GRID1: variants seen among roughly 807,000 people sequenced by gnomAD.
GRID1 encodes the protein glutamate receptor ionotropic, delta-1.
GRID1 carries 28 observed loss-of-function variants against 98.0 expected under a neutral mutation model. That is an observed-to-expected ratio of 0.29 (90% confidence interval 0.21 to 0.39). The LOEUF (loss-of-function observed/expected upper bound fraction) is 0.39, where lower values mean the gene tolerates loss of function less well. GRID1 is among the 10% of genes least tolerant of loss of function. The pLI, the probability that GRID1 is intolerant of heterozygous loss-of-function variation, is 1.00. For missense variants in GRID1, 1,111 were observed against 1,340.5 expected, an observed-to-expected ratio of 0.83 and a Z score of 2.67; for synonymous variants, 553 against 538.5, an observed-to-expected ratio of 1.03 and a Z score of -0.37.
intron 12 of GRID1, among the ~76,000 whole-genome samples, chr10:85,670,535 C>T (rs967914418): frequency 6.6e-6 from 1 of 152,192 alleles, no homozygotes; most frequent in Non-Finnish European, 1.5e-5. Context: ...TAGACCCAAA[C>T]AAACATGAAG....
intron 5 of GRID1, among the ~76,000 whole-genome samples, chr10:85,871,356 C>A (rs901526194): frequency 1.3e-5 from 2 of 152,116 alleles, no homozygotes; most frequent in African/African-American, 4.8e-5. Flanking sequence ...GAATGTGTAT[C>A]ATTTTCATGC....
At chr10:85,625,845 C>T (rs1842905980) in intron 13 of GRID1, among the ~76,000 whole-genome samples, 1 of 152,226 alleles carries the variant, frequency 6.6e-6, no homozygotes, top group Admixed American at 6.5e-5. Flanking sequence ...CATGACTTCA[C>T]ACTGGCAGTA....
At chr10:86,351,103 A>G (rs1848455729) in intron 2 of GRID1, among the ~76,000 whole-genome samples, 1 of 152,242 alleles carries the variant, frequency 6.6e-6, no homozygotes, top group Admixed American at 6.5e-5. Context: ...TGCCAAGCTC[A>G]CTGCATTCCT....
intron 8 of GRID1, among the ~76,000 whole-genome samples, chr10:85,820,243 C>A (rs1842757623): frequency 6.6e-6 from 1 of 151,672 alleles, no homozygotes; most frequent in Non-Finnish European, 1.5e-5. Context: ...AAATACTCTT[C>A]AAAATTGACA....
intron 6 of GRID1, among the ~76,000 whole-genome samples, chr10:85,862,645 G>A (rs1023232021): frequency 6.6e-6 from 1 of 152,176 alleles, no homozygotes; most frequent in Non-Finnish European, 1.5e-5. Flanking sequence ...TGCAGCTCTT[G>A]AGAGACCCAG....
intron 12 of GRID1, among the ~76,000 whole-genome samples, chr10:85,661,259 T>C (rs1840962478): frequency 6.6e-6 from 1 of 152,088 alleles, no homozygotes; most frequent in African/African-American, 2.4e-5. Flanking sequence ...ATTCTCTGCT[T>C]AGCCCTGTAA....
intron 2 of GRID1, among the ~76,000 whole-genome samples, chr10:86,211,247 A>G (rs977944029): frequency 6.6e-6 from 1 of 152,196 alleles, no homozygotes; most frequent in African/African-American, 2.4e-5. Context: ...CTAGAGGATA[A>G]CAGCTTTTGT....
chr10:86,268,947 G>A (rs1012915248), intron 2 of GRID1, among the ~76,000 whole-genome samples: 6 of 151,860 alleles, frequency 4.0e-5, no homozygotes, highest in East Asian at 1.9e-4. Flanking sequence ...CTGAGATCAC[G>A]CCACTGCACT....
At chr10:86,091,775 T>C (rs1206657550) in intron 4 of GRID1, among the ~76,000 whole-genome samples, 1 of 152,094 alleles carries the variant, frequency 6.6e-6, no homozygotes, top group Non-Finnish European at 1.5e-5. Flanking sequence ...CTGGTATCCA[T>C]AGCTGAGAAA....
chr10:86,244,328 G>C (rs941398518), intron 2 of GRID1, among the ~76,000 whole-genome samples: 3 of 152,214 alleles, frequency 2.0e-5, no homozygotes, highest in Non-Finnish European at 4.4e-5. Context: ...CCTGGACACA[G>C]ATTCAGCAGA....
intron 14 of GRID1, among the ~76,000 whole-genome samples, chr10:85,614,454 C>A (rs1259103644): frequency 1.3e-5 from 2 of 152,222 alleles, no homozygotes; most frequent in East Asian, 3.8e-4. Flanking sequence ...ATTTGCATGC[C>A]AGTCCTTTGA....
intron 3 of GRID1, among the ~76,000 whole-genome samples, chr10:86,178,538 G>T (rs1382579170): frequency 6.6e-6 from 1 of 152,122 alleles, no homozygotes; most frequent in Admixed American, 6.5e-5. Flanking sequence ...GCCCAGGAAG[G>T]GCCTCTGCCA....
At chr10:85,885,173 C>A (rs1010833267) in intron 5 of GRID1, among the ~76,000 whole-genome samples, 1 of 152,184 alleles carries the variant, frequency 6.6e-6, no homozygotes, top group Admixed American at 6.5e-5. Flanking sequence ...ACTTCACTTG[C>A]AAAGTGTTAA....
chr10:85,820,032 AGGCAGGCAGGCAGGC>A lies in GRID1; in HGVS notation c.1233+34449_1233+34463del, dbSNP rs1564600222. Among the ~76,000 whole-genome samples the A allele has an allele frequency of 3.6e-3, 325 of 91,306 alleles. 2 individuals are homozygous for A. Among genetic ancestry groups the A allele is most frequent in the East Asian group, 0.025 (57 of 2,284 alleles). The allele number at this position is 91,306 out of a possible 152,430, so 59.9% of individuals were successfully genotyped here. ...AAGGAAGGAAGGAAGGAAGGAAGGCAGGCAGGCAGGCAGGCAGGCAGGCAGGCAGGCAGGCAGGAA... is the reference window on the plus strand; with the variant it reads ...AAGGAAGGAAGGAAGGAAGGAAGGCAAGGCAGGCAGGCAGGCAGGCAGGAA... On this transcript the variant is annotated intron_variant, in intron 8 of 15. Transcript: ENST00000327946.
chr10:86,364,151 C>G, intron 1 of GRID1, 55 bp from the exon 2 acceptor site: 2 of 1,525,186 alleles, frequency 1.3e-6, no homozygotes, highest in Admixed American at 1.7e-5. Context: ...CTCCCCGCTT[C>G]CCTTGGCCCG....
intron 8 of GRID1, among the ~76,000 whole-genome samples, chr10:85,848,677 G>A (rs1025299258): frequency 3.3e-5 from 5 of 152,224 alleles, no homozygotes; most frequent in South Asian, 4.1e-4. Flanking sequence ...TGACTTTTAC[G>A]TTCTTCTTTT....
chr10:86,186,674 C>T (rs929514596), intron 3 of GRID1, among the ~76,000 whole-genome samples: 4 of 152,160 alleles, frequency 2.6e-5, no homozygotes, highest in Non-Finnish European at 4.4e-5. Flanking sequence ...AGAGGTGTTA[C>T]GAAAACTCCA....
Position 85,977,802 on chromosome 10 carries a change from C to A in GRID1, c.727-61563G>T, listed in dbSNP as rs920197540. Among the ~76,000 whole-genome samples the A allele has an allele frequency of 2.6e-5, 4 of 152,186 alleles. No homozygotes were observed. The East Asian group carries it at 7.7e-4, about 29-fold the overall frequency. On this transcript the variant is annotated intron_variant, in intron 4 of 15. Transcript: ENST00000327946. ...AGCCAGTTGAAGACCTCCCCGCCGA[C>A]CCAGTGAAAATGAAATCCTAAGCTG...
chr10:85,884,839 C>T (rs1413792988), intron 5 of GRID1, among the ~76,000 whole-genome samples: 1 of 152,070 alleles, frequency 6.6e-6, no homozygotes, highest in Non-Finnish European at 1.5e-5. Flanking sequence ...GGATCTACCT[C>T]CATTTTCAAT....
Sources: allele counts gnomAD v4.1 joint callset (sites outside exome capture counted in the v4.1 genomes callset), GRCh38; gene constraint gnomAD v4.1.1; transcripts MANE v1.5; gene names NCBI Gene and HGNC (gene_info 2026-07-23, HGNC 2026-07-21).